Variants in EML6 observed in about 807,000 individuals in gnomAD.
EML6 encodes EMAP like 6.
A neutral mutation model predicts 240.1 loss-of-function variants in EML6; 154 were observed. That is an observed-to-expected ratio of 0.64 (90% CI 0.56 to 0.73). EML6 has a LOEUF of 0.73. Ranked by LOEUF, EML6 falls within the 30% of genes least tolerant of loss-of-function variation. The pLI, the probability that EML6 is intolerant of heterozygous loss-of-function variation, is 0.00. For synonymous variants in EML6, 1,148 were observed against 899.0 expected, an observed-to-expected ratio of 1.28 and a Z score of -4.95; for missense variants, 2,964 against 2,474.6, an observed-to-expected ratio of 1.20 and a Z score of -4.20.
At position 54,872,285 on chromosome 2, in the gene EML6, G is replaced by A. The variant is rs145456939; in HGVS notation, c.2344+680G>A. ...CTAGAAATTTTTAATAATTGCAACT[G>A]TAGAAATTAGATCAATAGAAAAAGA... On this transcript the variant is annotated intron_variant, in intron 16 of 41. Coordinates refer to ENST00000356458, the MANE Select transcript of EML6 (RefSeq NM_001039753.4). 1.1e-3 allele frequency among the ~76,000 whole-genome samples: 168 copies of A among 152,258 alleles called. 2 individuals carry two copies. The East Asian group carries it at 0.022, about 20-fold the overall frequency.
In EML6 at chr2:54,891,211, G is replaced by T. The variant is rs150838282; in HGVS notation, c.2539+57G>T. The T allele has an allele frequency of 1.6e-4, 143 of 891,972 alleles. No individual in the cohort carries two copies. The African/African-American group carries it at 2.0e-3, about 13-fold the overall frequency. 55.3% of individuals were successfully genotyped at this position (891,972 alleles called of 1,614,324 possible). A position where few individuals can be genotyped will look rare whatever the true frequency, so the allele number is the denominator to read the frequency against. On this transcript the variant is annotated intron_variant, in intron 18 of 41. Transcript: ENST00000356458. ...TTGAGAGCTTTACCCTAGCTGGAAA[G>T]AAAAACAAAACAAACTGTTGCTACT...
At position 54,724,983 on chromosome 2, in the gene EML6, C is replaced by G. The variant is rs1357909626; in HGVS notation, c.-79C>G. The G allele has an allele frequency of 4.9e-6, 6 of 1,230,332 alleles. No homozygotes were observed. Among genetic ancestry groups the G allele is most frequent in the Admixed American group, 8.7e-5 (2 of 22,870 alleles). 76.2% of individuals were successfully genotyped at this position (1,230,332 alleles called of 1,614,324 possible). ...CCCTGCGCCGCGCGCTGAGCCCCTG[C>G]AGGTCCGCCGCAGCCCCAGCCTCGG... On this transcript the variant is annotated 5_prime_UTR_variant, in exon 2 of 42. Coordinates refer to ENST00000356458, the MANE Select transcript of EML6 (RefSeq NM_001039753.4). This position sits in a 1 kb window ranked among gnomAD's most constrained non-coding sequence, Gnocchi z 5.2.
chr2:54,909,612 G>A (rs1004243133), intron 24 of EML6, among the ~76,000 whole-genome samples: 45 of 152,048 alleles, frequency 3.0e-4, no homozygotes, highest in East Asian at 1.9e-3. Flanking sequence ...TTGGGAGGCC[G>A]AGGTGGGCAG....
chr2:54,952,657 C>G lies in EML6; in HGVS notation c.4277C>G (p.Pro1426Arg). 3 of 1,551,376 alleles carry G rather than the reference C, an allele frequency of 1.9e-6. No homozygotes were observed. Among genetic ancestry groups the G allele is most frequent in the Non-Finnish European group, 1.7e-6 (2 of 1,146,878 alleles). ...CTCTGTCTCACAGTGAACCAGCACC[C>G]CAAGTACAGAAACGTGGTGGCCACC... is the stretch of plus-strand genomic sequence containing the variant. ...DILCLTVNQH[P>R]KYRNVVATSQ... The change falls in exon 31 of 42, where the codon CCC becomes CGC. Residue 1426 changes from proline to arginine, a missense_variant. Pro to Arg is a moderately radical substitution (Grantham distance 103). Coordinates refer to ENST00000356458, the MANE Select transcript of EML6 (RefSeq NM_001039753.4).
intron 24 of EML6, among the ~76,000 whole-genome samples, chr2:54,906,117 C>T (rs575002065): frequency 3.9e-5 from 6 of 152,304 alleles, no homozygotes; most frequent in African/African-American, 1.4e-4. Flanking sequence ...TTTTCCATAG[C>T]AGCTCTACCA....
chr2:54,734,205 G>C (rs1295451648), intron 2 of EML6, among the ~76,000 whole-genome samples: 2 of 152,172 alleles, frequency 1.3e-5, no homozygotes, highest in Non-Finnish European at 2.9e-5. Flanking sequence ...GGGCATGATG[G>C]CGGGTGCCTG....
chr2:54,755,242 G>A (rs1684348250), intron 2 of EML6, among the ~76,000 whole-genome samples: 1 of 152,146 alleles, frequency 6.6e-6, no homozygotes, highest in Non-Finnish European at 1.5e-5. Flanking sequence ...CTTCATCCTT[G>A]CACTGACGCC....
At chr2:54,940,889 C>G (rs533579161) in intron 28 of EML6, among the ~76,000 whole-genome samples, 30 of 152,200 alleles carry the variant, frequency 2.0e-4, no homozygotes, top group Non-Finnish European at 2.9e-4. Context: ...CAAGAAGATT[C>G]TGTGTCACTG....
chr2:54,753,371 A>G (rs544195507), intron 2 of EML6, among the ~76,000 whole-genome samples: 1 of 152,336 alleles, frequency 6.6e-6, no homozygotes, highest in South Asian at 2.1e-4. Flanking sequence ...AAGGGACTTT[A>G]TCAATGTAAT....
At chr2:54,913,360 G>C (rs373937056) in intron 25 of EML6, among the ~76,000 whole-genome samples, 1 of 151,610 alleles carries the variant, frequency 6.6e-6, no homozygotes, top group African/African-American at 2.4e-5. Context: ...TGATCTTCCT[G>C]CCTCAGTCTC....
chr2:54,829,870 A>G (rs1001455049), intron 7 of EML6, among the ~76,000 whole-genome samples: 4 of 152,222 alleles, frequency 2.6e-5, no homozygotes, highest in African/African-American at 9.6e-5. Context: ...AGATAATTAT[A>G]GTAGTAGGGA....
chr2:54,900,826 A>G (rs1311312662), intron 22 of EML6, among the ~76,000 whole-genome samples: 1 of 152,304 alleles, frequency 6.6e-6, no homozygotes, highest in East Asian at 1.9e-4. Context: ...AGGACAAACT[A>G]AAGATATTTG....
At chr2:54,883,833 G>A (rs915822364) in intron 17 of EML6, among the ~76,000 whole-genome samples, 1 of 152,114 alleles carries the variant, frequency 6.6e-6, no homozygotes, top group Admixed American at 6.5e-5. Flanking sequence ...TTTATATATT[G>A]ACATTAGCTA....
At chr2:54,802,710 C>G (rs912441361) in intron 2 of EML6, among the ~76,000 whole-genome samples, 6 of 151,548 alleles carry the variant, frequency 4.0e-5, no homozygotes, top group South Asian at 4.2e-4. Context: ...TTTAGTTGCT[C>G]TGATAAAAGG....
intron 6 of EML6, among the ~76,000 whole-genome samples, chr2:54,828,723 C>T (rs1456140187): frequency 2.6e-5 from 4 of 152,200 alleles, no homozygotes; most frequent in South Asian, 2.1e-4. Context: ...CTTATGTCAA[C>T]ATTATATTCT....
intron 19 of EML6, among the ~76,000 whole-genome samples, chr2:54,893,289 A>G (rs535668823): frequency 1.2e-4 from 18 of 152,280 alleles, no homozygotes; most frequent in African/African-American, 4.3e-4. Flanking sequence ...GTACTTTATA[A>G]TGAACAGAAG....
intron 25 of EML6, among the ~76,000 whole-genome samples, chr2:54,912,123 C>T (rs988704600): frequency 6.6e-6 from 1 of 152,318 alleles, no homozygotes; most frequent in African/African-American, 2.4e-5. Context: ...GACATTTGGA[C>T]ACGTGTACAT....
At chr2:54,892,375 C>A in intron 18 of EML6, 79 bp from the exon 19 acceptor site, 1 of 892,060 alleles carries the variant, frequency 1.1e-6, no homozygotes. Flanking sequence ...CACCAGGTTT[C>A]TCATGGAAGT....
chr2:54,841,016 A>T (rs28754471), intron 7 of EML6, among the ~76,000 whole-genome samples: 5 of 152,204 alleles, frequency 3.3e-5, no homozygotes, highest in African/African-American at 1.2e-4. Context: ...GCTGAGAAAA[A>T]CACCAGGGAG....
Sources: gnomAD v4.1 joint callset for allele counts (sites outside exome capture counted in the v4.1 genomes callset) on GRCh38, gnomAD v4.1.1 for gene constraint, Gnocchi (gnomAD v3.1) non-coding constraint, MANE v1.5 for transcripts, NCBI Gene and HGNC (gene_info 2026-07-23, HGNC 2026-07-21) for gene names.